ANKFY1: variants seen among roughly 807,000 people sequenced by gnomAD.
ANKFY1 encodes ankyrin repeat and FYVE domain-containing protein 1.
ANKFY1 carries 47 observed loss-of-function variants against 128.3 expected under a neutral mutation model. That is an observed-to-expected ratio of 0.37 (90% CI 0.29 to 0.47). The LOEUF is 0.47. Ranked by LOEUF, ANKFY1 falls within the 20% of genes least tolerant of loss-of-function variation. The pLI, the probability that ANKFY1 is intolerant of heterozygous loss-of-function variation, is 1.00. For synonymous variants in ANKFY1, 553 were observed against 601.6 expected (o/e 0.92, Z 1.18); for missense variants, 1,222 against 1,510.6 (o/e 0.81, Z 3.17).
At chr17:4,195,560 T>A in intron 8 of ANKFY1, 89 bp from the exon 9 acceptor site, 1 of 959,682 alleles carries the variant, frequency 1.0e-6, no homozygotes, top group South Asian at 1.4e-5. Context: ...CCAGGCAGAA[T>A]CACCACCCGC....
At chr17:4,254,729 T>G (rs1968026352) in intron 1 of ANKFY1, among the ~76,000 whole-genome samples, 1 of 152,232 alleles carries the variant, frequency 6.6e-6, no homozygotes, top group Non-Finnish European at 1.5e-5. Context: ...TTTTGCTAGA[T>G]TAGTGTCAAC....
chr17:4,218,496 CAA>C (rs1372711173), intron 3 of ANKFY1, among the ~76,000 whole-genome samples: 1 of 152,176 alleles, frequency 6.6e-6, no homozygotes, highest in Non-Finnish European at 1.5e-5. Context: ...CCTGTAATCT[CAA>C]TGCTTTGGGA....
At chr17:4,242,541 A>C in intron 1 of ANKFY1, 93 bp from the exon 2 acceptor site, 1 of 1,128,794 alleles carries the variant, frequency 8.9e-7, no homozygotes, top group Non-Finnish European at 1.2e-6. Context: ...AAAGCTCCCA[A>C]AGTGACTGGC....
intron 1 of ANKFY1, among the ~76,000 whole-genome samples, chr17:4,262,749 A>AAC (rs377627303): frequency 7.6e-4 from 115 of 151,556 alleles, no homozygotes; most frequent in African/African-American, 2.6e-3. Flanking sequence ...CCTATCTCAA[A>AAC]ACACACACAC....
intron 7 of ANKFY1, among the ~76,000 whole-genome samples, chr17:4,200,979 A>G (rs1028077772): frequency 2.6e-5 from 4 of 152,174 alleles, no homozygotes; most frequent in Non-Finnish European, 4.4e-5. Context: ...TTGAATATAC[A>G]GGTTTCATCT....
rs1360140001 is a variant in ANKFY1 at position 4,167,820 on chromosome 17, T to C, written c.3469A>G (p.Asn1157Asp). ...FDLNKPVRVC[N>D]ICFDVLTLGG... The stretch of plus-strand genomic sequence containing the variant: ...AGAGTCAGTACATCAAAACAAATGT[T>C]GCAAACCCGCACAGGCTTGTTCAGA... Residue 1157 changes from asparagine (N) to aspartate (D), a missense_variant, in exon 25 of 25, where the codon AAC (asparagine) becomes GAC (aspartate). Coordinates refer to ENST00000341657, the MANE Select transcript of ANKFY1 (RefSeq NM_001330063.2). The surrounding 1 kb of genome is among the most constrained non-coding windows in gnomAD (Gnocchi z 4.1). The C allele has an allele frequency of 1.9e-6, 3 of 1,613,890 alleles. No individual in the cohort carries two copies. The Admixed American group carries it at 5.0e-5, about 27-fold the overall frequency.
rs901506453 is a variant in ANKFY1, at chr17:4,164,482, T to C, written c.*3297A>G. On this transcript the variant is annotated 3_prime_UTR_variant, in exon 25 of 25. Transcript: ENST00000341657. ...GCCACCAGGCTGGGGTGGGGAGCTT[T>C]GGTGCTTCAGGTAGTTCTTCTGGGA... 6.6e-6 allele frequency: 1 copy of C among 152,452 alleles called. No homozygotes were observed. The highest frequency in any genetic ancestry group is 2.4e-5 in the African/African-American group (1 of 41,462). 9.4% of individuals were successfully genotyped at this position (152,452 alleles called of 1,614,324 possible).
intron 1 of ANKFY1, chr17:4,263,635 C>G: frequency 6.5e-7 from 1 of 1,534,894 alleles, no homozygotes; most frequent in Non-Finnish European, 8.7e-7. Context: ...CAAGAGCCTC[C>G]CGTGCTGCCC....
intron 7 of ANKFY1, among the ~76,000 whole-genome samples, chr17:4,198,874 A>G (rs753011706): frequency 1.3e-5 from 2 of 152,164 alleles, no homozygotes; most frequent in Non-Finnish European, 2.9e-5. Context: ...GAGTCTACCT[A>G]GGACAATTTA....
In ANKFY1 at chr17:4,184,720, A is replaced by G. The variant is rs1019791027; in HGVS notation, c.1699+98T>C. On this transcript the variant is annotated intron_variant, in intron 12 of 24. Coordinates refer to ENST00000341657, the MANE Select transcript of ANKFY1 (RefSeq NM_001330063.2). Reference sequence around the variant, plus strand: ...TTTTTGGGGGTAAGAAACTAGCCATATGAAACTCACCAACAGAAAAAACAT... The same window carrying G: ...TTTTTGGGGGTAAGAAACTAGCCATGTGAAACTCACCAACAGAAAAAACAT... 253 of 1,353,892 alleles carry G rather than the reference A, an allele frequency of 1.9e-4. 1 individual carries two copies. Among genetic ancestry groups the G allele is most frequent in the Middle Eastern group, 1.3e-3 (7 of 5,564 alleles). 83.9% of individuals were successfully genotyped at this position (1,353,892 alleles called of 1,614,324 possible).
chr17:4,182,691 T>C (rs1189374925), intron 14 of ANKFY1, among the ~76,000 whole-genome samples: 1 of 152,222 alleles, frequency 6.6e-6, no homozygotes, highest in Non-Finnish European at 1.5e-5. Context: ...GAGATAAAGG[T>C]AAGTTCTTTT....
intron 4 of ANKFY1, among the ~76,000 whole-genome samples, chr17:4,216,126 T>A (rs147219192): frequency 6.6e-6 from 1 of 152,316 alleles, no homozygotes; most frequent in Non-Finnish European, 1.5e-5. Context: ...TGGGGCACAG[T>A]GAGCCCTCCT....
intron 12 of ANKFY1, 134 bp from the exon 13 acceptor site, chr17:4,184,044 T>C (rs2059566441): frequency 1.4e-6 from 1 of 712,888 alleles, no homozygotes; most frequent in Non-Finnish European, 2.3e-6. Context: ...AGTAGATAAA[T>C]CTTGTCAAGA....
In ANKFY1 at chr17:4,207,940, T is replaced by G. The variant is rs1296380902; in HGVS notation, c.725A>C (p.Asp242Ala). 2.4e-5 allele frequency: 38 copies of G among 1,590,178 alleles called. No homozygotes were observed. Among genetic ancestry groups the G allele is most frequent in the Non-Finnish European group, 3.2e-5 (38 of 1,170,860 alleles). ...DVVFLYLIEM[D>A]SQLPGKLNEA... The stretch of plus-strand genomic sequence containing the variant: ...AAAAGGCAGCTACAGTACCTGGGAA[T>G]CCATTTCAATCAGATACAGGAAGAC... Residue 242 changes from aspartate to alanine, a missense_variant, in exon 6 of 25, where the codon GAT becomes GCT. Physicochemically the swap from Asp to Ala is moderately radical, Grantham distance 126. Coordinates refer to ENST00000341657, the MANE Select transcript of ANKFY1 (RefSeq NM_001330063.2).
At chr17:4,189,958 G>C (rs998906800) in intron 10 of ANKFY1, among the ~76,000 whole-genome samples, 2 of 152,148 alleles carry the variant, frequency 1.3e-5, no homozygotes, top group African/African-American at 2.4e-5. Context: ...TTCCTCCCTG[G>C]GATTCCCGCT....
At chr17:4,216,952 G>A (rs1434812660) in intron 4 of ANKFY1, 31 bp downstream of exon 4, 1 of 1,613,516 alleles carries the variant, frequency 6.2e-7, no homozygotes, top group Admixed American at 1.7e-5. Context: ...ACCACCATCT[G>A]AGGTGCTTGA....
intron 4 of ANKFY1, among the ~76,000 whole-genome samples, chr17:4,214,672 C>T (rs2060191436): frequency 6.6e-6 from 1 of 151,956 alleles, no homozygotes; most frequent in Non-Finnish European, 1.5e-5. Flanking sequence ...ATTACAGGTG[C>T]CCGCCACCAC....
Position 4,163,995 on chromosome 17 carries a change from A to G in ANKFY1, c.*3784T>C, listed in dbSNP as rs529541785. 1 of 152,808 alleles carries G rather than the reference A, an allele frequency of 6.5e-6. No homozygotes were observed. Among genetic ancestry groups the G allele is most frequent in the South Asian group, 2.1e-4 (1 of 4,830 alleles). 9.5% of individuals were successfully genotyped at this position (152,808 alleles called of 1,614,324 possible). On this transcript the variant is annotated 3_prime_UTR_variant, in exon 25 of 25. Coordinates refer to ENST00000341657, the MANE Select transcript of ANKFY1 (RefSeq NM_001330063.2). The stretch of plus-strand genomic sequence containing the variant: ...AAATACATTCCATTACACAGACTCC[A>G]AAGAAACAATGCTGATAAGCGCCGT...
At chr17:4,174,263 T>C (rs969338410) in intron 19 of ANKFY1, among the ~76,000 whole-genome samples, 2 of 152,208 alleles carry the variant, frequency 1.3e-5, no homozygotes. Flanking sequence ...CAATTACCTA[T>C]CAAAATGTTA....
Sources: allele counts gnomAD v4.1 joint callset (sites outside exome capture counted in the v4.1 genomes callset), GRCh38; gene constraint gnomAD v4.1.1; non-coding constraint Gnocchi (gnomAD v3.1); transcripts MANE v1.5; gene names NCBI Gene and HGNC (gene_info 2026-07-23, HGNC 2026-07-21).